The following SPAG16 variants were observed in gnomAD, a reference collection of about 807,000 sequenced individuals.
SPAG16 encodes sperm-associated antigen 16 protein.
In SPAG16, 86 loss-of-function variants were observed where a neutral mutation model predicts 80.4. That is an observed-to-expected ratio of 1.07 (90% CI 0.90 to 1.28). The LOEUF is 1.28. SPAG16 is among the 50% of genes most tolerant of loss of function. The pLI is 0.00. For synonymous variants in SPAG16, 294 were observed against 265.9 expected, an observed-to-expected ratio of 1.11 and a Z score of -1.03; for missense variants, 870 against 765.3, an observed-to-expected ratio of 1.14 and a Z score of -1.61.
At position 213,649,209 on chromosome 2, in the gene SPAG16, G is replaced by C. The variant is rs114163050; in HGVS notation, c.1070+159119G>C. On this transcript the variant is annotated intron_variant, in intron 10 of 15. Transcript: ENST00000331683. ...AGACATTTTGAATAATGAATTTTGT[G>C]ACACCTGACCTACTAACAGTTGGCA... Among the ~76,000 whole-genome samples, 278 of 152,302 alleles carry C rather than the reference G, an allele frequency of 1.8e-3. 2 individuals are homozygous for C. The highest frequency in any genetic ancestry group is 6.4e-3 in the African/African-American group (265 of 41,556).
In SPAG16 at chr2:213,285,777, G is replaced by A; in HGVS notation, c.136+1158G>A. The A allele has an allele frequency of 6.8e-6, 4 of 585,174 alleles. No individual in the cohort carries two copies. The South Asian group carries it at 7.0e-5, about 10-fold the overall frequency. The allele number at this position is 585,174 out of a possible 1,614,324, so 36.2% of individuals were successfully genotyped here. A position where few individuals can be genotyped will look rare whatever the true frequency, so the allele number is the denominator to read the frequency against. ...TGAAATGAATTTGAAAGAAATATAT[G>A]GGTGCTTTAGTGTCATAAATGAGGT... On this transcript the variant is annotated intron_variant, in intron 1 of 15. Transcript: ENST00000331683.
chr2:213,567,377 C>T (rs1280874355), intron 10 of SPAG16, among the ~76,000 whole-genome samples: 1 of 94,766 alleles, frequency 1.1e-5, no homozygotes, highest in African/African-American at 4.3e-5. Flanking sequence ...TGCTATCCCT[C>T]CCCCCTCCCC....
chr2:213,768,580 A>G (rs2069074526), intron 10 of SPAG16, among the ~76,000 whole-genome samples: 1 of 152,198 alleles, frequency 6.6e-6, no homozygotes, highest in African/African-American at 2.4e-5. Flanking sequence ...GAATTTGGAC[A>G]ACTAGTTGGA....
chr2:213,539,692 C>T (rs1280366195), intron 10 of SPAG16, among the ~76,000 whole-genome samples: 1 of 152,118 alleles, frequency 6.6e-6, no homozygotes, highest in Non-Finnish European at 1.5e-5. Context: ...TACAGTTGTC[C>T]TTGTTAATAA....
intron 12 of SPAG16, among the ~76,000 whole-genome samples, chr2:214,010,007 T>C (rs1242021436): frequency 6.8e-6 from 1 of 147,894 alleles, no homozygotes; most frequent in East Asian, 1.9e-4. Flanking sequence ...TGAGTAAAGA[T>C]ATGAAATCAA....
At chr2:213,553,482 G>T (rs918404479) in intron 10 of SPAG16, among the ~76,000 whole-genome samples, 15 of 152,212 alleles carry the variant, frequency 9.9e-5, no homozygotes, top group Non-Finnish European at 1.8e-4. Context: ...TTGCCACTGA[G>T]GTAACCAATA....
At chr2:213,693,056 T>C (rs769200579) in intron 10 of SPAG16, among the ~76,000 whole-genome samples, 23 of 152,340 alleles carry the variant, frequency 1.5e-4, no homozygotes, top group Non-Finnish European at 2.9e-4. Flanking sequence ...CTAATTCATA[T>C]GCCAACATGC....
intron 15 of SPAG16, among the ~76,000 whole-genome samples, chr2:214,279,879 C>CA (rs1331063304): frequency 6.6e-6 from 1 of 151,680 alleles, no homozygotes; most frequent in Non-Finnish European, 1.5e-5. Flanking sequence ...ATTTGAAAAT[C>CA]AAAAAAACCC....
chr2:213,940,443 C>A (rs2079151291), intron 12 of SPAG16, among the ~76,000 whole-genome samples: 1 of 152,064 alleles, frequency 6.6e-6, no homozygotes, highest in Non-Finnish European at 1.5e-5. Flanking sequence ...GGCACAACTA[C>A]ATCTGGATAA....
chr2:213,688,099 A>C (rs1321036396), intron 10 of SPAG16, among the ~76,000 whole-genome samples: 1 of 152,140 alleles, frequency 6.6e-6, no homozygotes, highest in African/African-American at 2.4e-5. Flanking sequence ...GGCAGTTTGA[A>C]CTTGGGGGGA....
At chr2:214,007,439 A>G (rs988022674) in intron 12 of SPAG16, among the ~76,000 whole-genome samples, 6 of 152,186 alleles carry the variant, frequency 3.9e-5, no homozygotes, top group African/African-American at 1.4e-4. Flanking sequence ...CTACAAAAAA[A>G]AAAAATGTGT....
chr2:213,857,293 T>G (rs2372267), intron 10 of SPAG16, among the ~76,000 whole-genome samples: 52,317 of 152,012 alleles, frequency 0.34, 9,454 homozygotes, highest in South Asian at 0.47. Flanking sequence ...AACTCTTAAA[T>G]CTAGAGAGGT....
chr2:213,805,745 TA>T (rs1030883871), intron 10 of SPAG16, among the ~76,000 whole-genome samples: 6 of 152,182 alleles, frequency 3.9e-5, no homozygotes, highest in African/African-American at 1.4e-4. Flanking sequence ...TCAAATTTCT[TA>T]AAGAGAAGAT....
chr2:213,936,534 G>C (rs1007305562), intron 12 of SPAG16, among the ~76,000 whole-genome samples: 1 of 152,112 alleles, frequency 6.6e-6, no homozygotes, highest in Admixed American at 6.5e-5. Context: ...AGATGTAGAA[G>C]GTTTCAGCCA....
At chr2:214,386,179 A>G (rs1476752274) in intron 15 of SPAG16, among the ~76,000 whole-genome samples, 1 of 152,178 alleles carries the variant, frequency 6.6e-6, no homozygotes. Context: ...GTTTGAGACC[A>G]GCCTGGGCAA....
intron 15 of SPAG16, among the ~76,000 whole-genome samples, chr2:214,313,233 G>T (rs189853284): frequency 6.6e-6 from 1 of 151,958 alleles, no homozygotes; most frequent in Admixed American, 6.6e-5. Context: ...ATAAATATTT[G>T]TCAATGCTGC....
intron 15 of SPAG16, among the ~76,000 whole-genome samples, chr2:214,269,626 C>T (rs1289465592): frequency 3.3e-5 from 5 of 151,992 alleles, no homozygotes; most frequent in Non-Finnish European, 5.9e-5. Flanking sequence ...AATTGTAATG[C>T]CATAAGAATT....
intron 15 of SPAG16, among the ~76,000 whole-genome samples, chr2:214,336,376 C>A (rs1182531712): frequency 6.6e-6 from 1 of 152,072 alleles, no homozygotes; most frequent in African/African-American, 2.4e-5. Flanking sequence ...TCTGGACACT[C>A]TGGAGTTAAA....
chr2:214,386,502 T>G (rs6731626), intron 15 of SPAG16, among the ~76,000 whole-genome samples: 28,884 of 152,010 alleles, frequency 0.19, 3,793 homozygotes, highest in African/African-American at 0.37. Flanking sequence ...GAAACAAAGT[T>G]TATCAAATAG....
Sources: allele counts gnomAD v4.1 joint callset (sites outside exome capture counted in the v4.1 genomes callset), GRCh38; gene constraint gnomAD v4.1.1; transcripts MANE v1.5; gene names NCBI Gene and HGNC (gene_info 2026-07-23, HGNC 2026-07-21).